The following LRRC7 variants were observed in gnomAD, a reference collection of about 807,000 sequenced individuals.
LRRC7 encodes leucine-rich repeat-containing protein 7.
Under a neutral mutation model 175.7 loss-of-function variants are expected in LRRC7, and 23 were observed. The observed-to-expected ratio is 0.13, with a 90% CI of 0.09 to 0.19. The LOEUF (loss-of-function observed/expected upper bound fraction) is 0.19, where lower values mean the gene tolerates loss of function less well. Ranked by LOEUF, LRRC7 falls within the 10% of genes least tolerant of loss-of-function variation. The pLI is 1.00. For missense variants in LRRC7, 1,354 were observed against 1,904.7 expected (o/e 0.71, Z 5.38); for synonymous variants, 685 against 680.9 (o/e 1.01, Z -0.09).
At chr1:69,919,519 G>A (rs1280197870) in intron 7 of LRRC7, 2 of 825,164 alleles carry the variant, frequency 2.4e-6, no homozygotes, top group African/African-American at 3.4e-5. Flanking sequence ...GCCCGCCAGG[G>A]TCCGCCGCTC....
intron 24 of LRRC7, among the ~76,000 whole-genome samples, chr1:70,079,346 A>G (rs1261289468): frequency 6.6e-6 from 1 of 152,238 alleles, no homozygotes; most frequent in African/African-American, 2.4e-5. Context: ...AGCCATAAAG[A>G]GAAAAGCAAA....
chr1:69,615,588 A>G (rs1028256479), intron 1 of LRRC7, among the ~76,000 whole-genome samples: 17 of 152,070 alleles, frequency 1.1e-4, no homozygotes, highest in African/African-American at 3.6e-4. Context: ...AAGCCACCGT[A>G]AGTGGATTTA....
At chr1:69,876,493 G>T (rs1474022216) in intron 7 of LRRC7, among the ~76,000 whole-genome samples, 2 of 152,092 alleles carry the variant, frequency 1.3e-5, no homozygotes, top group Non-Finnish European at 2.9e-5. Flanking sequence ...GTCTAGTAGA[G>T]TAAAAATAAT....
At position 69,598,351 on chromosome 1, in the gene LRRC7, A is replaced by C. The variant is rs573589834; in HGVS notation, c.2+29710A>C. Among the ~76,000 whole-genome samples the C allele has an allele frequency of 8.5e-5, 13 of 152,248 alleles. No homozygotes were observed. The East Asian group carries it at 2.5e-3, about 29-fold the overall frequency. Reference sequence around the variant, plus strand: ...CTTGGGCAAAATCAGTAGTACAATTATTGCCTGATATATGAATATATATAT... The same window carrying C: ...CTTGGGCAAAATCAGTAGTACAATTCTTGCCTGATATATGAATATATATAT... On this transcript the variant is annotated intron_variant, in intron 1 of 26. Transcript: ENST00000651989.
intron 7 of LRRC7, among the ~76,000 whole-genome samples, chr1:69,900,508 A>G (rs1050591063): frequency 1.3e-5 from 2 of 152,180 alleles, no homozygotes; most frequent in African/African-American, 4.8e-5. Flanking sequence ...ACAAATCAAG[A>G]GTGTTGATAT....
At chr1:69,587,958 T>C (rs1270725375) in intron 1 of LRRC7, among the ~76,000 whole-genome samples, 1 of 152,202 alleles carries the variant, frequency 6.6e-6, no homozygotes, top group Non-Finnish European at 1.5e-5. Context: ...TACGCCTTCC[T>C]ATGTGCATTT....
chr1:69,625,101 T>C (rs1651266091), intron 1 of LRRC7, among the ~76,000 whole-genome samples: 1 of 152,050 alleles, frequency 6.6e-6, no homozygotes, highest in Non-Finnish European at 1.5e-5. Flanking sequence ...GCAAAATTCA[T>C]TTCTAAAGCC....
intron 9 of LRRC7, 51 bp from the exon 10 acceptor site, chr1:69,986,191 T>C (rs372814094): frequency 1.0e-5 from 16 of 1,553,796 alleles, no homozygotes; most frequent in Non-Finnish European, 1.3e-5. Context: ...AACTTTAAAA[T>C]GTCTTGTGAA....
chr1:69,836,237 C>T (rs545984742), intron 6 of LRRC7, among the ~76,000 whole-genome samples: 1 of 152,098 alleles, frequency 6.6e-6, no homozygotes, highest in African/African-American at 2.4e-5. Flanking sequence ...CTTACTTTTG[C>T]AGATCACGAC....
intron 7 of LRRC7, among the ~76,000 whole-genome samples, chr1:69,907,425 G>A (rs1646355833): frequency 6.6e-6 from 1 of 152,122 alleles, no homozygotes; most frequent in Non-Finnish European, 1.5e-5. Flanking sequence ...ATTATTTTGA[G>A]ATATGTCCCA....
Position 70,135,033 on chromosome 1 carries a change from C to G in LRRC7, c.*13146C>G, listed in dbSNP as rs626289. Among the ~76,000 whole-genome samples the G allele has an allele frequency of 0.77, 117,363 of 152,220 alleles. 45,921 individuals carry two copies. The highest frequency in any genetic ancestry group is 0.91 in the African/African-American group (37,699 of 41,568). On this transcript the variant is annotated 3_prime_UTR_variant, in exon 27 of 27. Coordinates refer to ENST00000651989, the MANE Select transcript of LRRC7 (RefSeq NM_001370785.2). The stretch of plus-strand genomic sequence containing the variant: ...TATTTAAATACTAGAATGAAAATTA[C>G]ATAGAATTTTACTGAAGAGTATAAG...
chr1:69,994,484 T>G (rs932203339), intron 10 of LRRC7, 77 bp from the exon 11 acceptor site: 9 of 991,508 alleles, frequency 9.1e-6, no homozygotes, highest in South Asian at 1.3e-5. Context: ...CACAAGTGAT[T>G]CATGTGATTT....
intron 10 of LRRC7, among the ~76,000 whole-genome samples, chr1:69,988,134 A>G (rs1352705336): frequency 6.6e-6 from 1 of 152,226 alleles, no homozygotes; most frequent in Admixed American, 6.5e-5. Flanking sequence ...CCACCATCCC[A>G]TACCATTTTA....
At position 69,896,271 on chromosome 1, in the gene LRRC7, C is replaced by G. The variant is rs1645977325; in HGVS notation, c.648-35236C>G. 4.0e-5 allele frequency among the ~76,000 whole-genome samples: 6 copies of G among 151,808 alleles called. No individual in the cohort carries two copies. In the South Asian group the frequency reaches 1.2e-3, roughly 32 times the overall value. On this transcript the variant is annotated intron_variant, in intron 7 of 26. Coordinates refer to ENST00000651989, the MANE Select transcript of LRRC7 (RefSeq NM_001370785.2). ...TCAGTATAATTGAGATATTTATAAC[C>G]TTAAATATTTTTCTTTTGTCTATGC...
rs559201663 is a variant in LRRC7 at position 69,817,143 on chromosome 1, C to T, written c.422-8605C>T. On this transcript the variant is annotated intron_variant, in intron 4 of 26. Coordinates refer to ENST00000651989, the MANE Select transcript of LRRC7 (RefSeq NM_001370785.2). ...CTTACATTTGCTTTTGTTGTTTGTG[C>T]TTTTGGTGTCACATTCAAAAAAACC... 1.8e-3 allele frequency among the ~76,000 whole-genome samples: 266 copies of T among 151,870 alleles called. 1 individual carries two copies. The highest frequency in any genetic ancestry group is 6.3e-3 in the African/African-American group (259 of 41,414).
chr1:69,918,708 A>G (rs1646792288), intron 7 of LRRC7, among the ~76,000 whole-genome samples: 1 of 152,204 alleles, frequency 6.6e-6, no homozygotes, highest in African/African-American at 2.4e-5. Flanking sequence ...CAGAAAGACA[A>G]CTTCAAAAGT....
intron 2 of LRRC7, among the ~76,000 whole-genome samples, chr1:69,693,335 C>T (rs1662138121): frequency 6.6e-6 from 1 of 152,090 alleles, no homozygotes; most frequent in Admixed American, 6.6e-5. Context: ...CTGTGTTAGT[C>T]ACTGTTCTCA....
chr1:69,863,296 G>A (rs1446962108), intron 7 of LRRC7, among the ~76,000 whole-genome samples: 1 of 152,012 alleles, frequency 6.6e-6, no homozygotes, highest in Non-Finnish European at 1.5e-5. Flanking sequence ...TCCAACCCCA[G>A]GCACCTTCCA....
At chr1:70,042,420 T>A (rs936387876) in intron 21 of LRRC7, among the ~76,000 whole-genome samples, 1 of 152,216 alleles carries the variant, frequency 6.6e-6, no homozygotes, top group Non-Finnish European at 1.5e-5. Flanking sequence ...AATTACAAGA[T>A]CTCTGTCCAT....
Sources: gnomAD v4.1 joint callset for allele counts (sites outside exome capture counted in the v4.1 genomes callset) on GRCh38, gnomAD v4.1.1 for gene constraint, MANE v1.5 for transcripts, NCBI Gene and HGNC (gene_info 2026-07-23, HGNC 2026-07-21) for gene names.